CNOT3: variants seen among roughly 807,000 people sequenced by gnomAD.
The protein encoded by CNOT3 is CCR4-NOT transcription complex subunit 3, also known as CCR4-associated factor 3.
Under a neutral mutation model 89.4 loss-of-function variants are expected in CNOT3, and 2 were observed. The observed-to-expected ratio is 0.02, with a 90% confidence interval of 0.01 to 0.07. The LOEUF (loss-of-function observed/expected upper bound fraction) is 0.07. Ranked by LOEUF, CNOT3 falls within the 10% of genes least tolerant of loss-of-function variation. CNOT3 has a pLI of 1.00. For missense variants in CNOT3, 664 were observed against 1,010.2 expected (o/e 0.66, Z 4.65); for synonymous variants, 486 against 402.0 (o/e 1.21, Z -2.50).
chr19:54,138,509 G>A (rs897251418), intron 1 of CNOT3, among the ~76,000 whole-genome samples: 97 of 152,024 alleles, frequency 6.4e-4, no homozygotes, highest in African/African-American at 2.2e-3. Context: ...TGGCGGGGAG[G>A]GGGGGTGGTG....
At position 54,148,144 on chromosome 19, in the gene CNOT3, G is replaced by A. The variant is rs767027855; in HGVS notation, c.895-4G>A. On this transcript the variant is annotated splice_polypyrimidine_tract_variant and splice_region_variant and intron_variant, in intron 10 of 17. Transcript: ENST00000221232. The surrounding 1 kb of genome is among the most constrained non-coding windows in gnomAD (Gnocchi z 6.3). ...CCTGACCCTCTGCTCTCTCCCACCC[G>A]CAGTCTCCAGCCAAAAACGGCTCCA... 22 of 1,490,620 alleles carry A rather than the reference G, an allele frequency of 1.5e-5. No homozygotes were observed. The highest frequency in any genetic ancestry group is 1.9e-5 in the Non-Finnish European group (21 of 1,118,746). 92.3% of individuals were successfully genotyped at this position (1,490,620 alleles called of 1,614,324 possible).
chr19:54,138,877 G>C (rs1445260450), intron 1 of CNOT3, among the ~76,000 whole-genome samples: 1 of 152,198 alleles, frequency 6.6e-6, no homozygotes, highest in Non-Finnish European at 1.5e-5. Context: ...CCCACGTCTG[G>C]TCTCAGCTCT....
In CNOT3 at chr19:54,140,960, C is replaced by G. The variant is rs587632442; in HGVS notation, c.-50-1969C>G. Among the ~76,000 whole-genome samples the G allele has an allele frequency of 5.3e-5, 8 of 152,318 alleles. No individual in the cohort carries two copies. The South Asian group carries it at 1.7e-3, about 32-fold the overall frequency. ...GTGTAGACCATGAGACCTCTTCTCTCTCTGGGCTGGAGCACCTGCCCATGA... is the reference window on the plus strand; with the variant it reads ...GTGTAGACCATGAGACCTCTTCTCTGTCTGGGCTGGAGCACCTGCCCATGA... On this transcript the variant is annotated intron_variant, in intron 1 of 17. Coordinates refer to ENST00000221232, the MANE Select transcript of CNOT3 (RefSeq NM_014516.4).
intron 1 of CNOT3, among the ~76,000 whole-genome samples, chr19:54,138,684 GA>G (rs1269820825): frequency 1.3e-5 from 2 of 152,244 alleles, no homozygotes; most frequent in East Asian, 3.9e-4. Flanking sequence ...GAGTGGAGGA[GA>G]AACTCCCCGT....
intron 5 of CNOT3, 98 bp downstream of exon 5, chr19:54,143,847 T>C: frequency 6.8e-7 from 1 of 1,471,960 alleles, no homozygotes. Flanking sequence ...CCAGAGGTCC[T>C]CAAGAGAAGT....
Position 54,148,610 on chromosome 19 carries a change from T to C in CNOT3, c.1283-10T>C, listed in dbSNP as rs371452117. 2.5e-5 allele frequency: 41 copies of C among 1,608,340 alleles called. No homozygotes were observed. In the African/African-American group the frequency reaches 4.5e-4, roughly 18 times the overall value. Reference sequence around the variant, plus strand: ...GGCAGCAGCCCTTTCCATTTACTCTTTGTTCCCAGGTTACAGCTCAGTTGT... The same window carrying C: ...GGCAGCAGCCCTTTCCATTTACTCTCTGTTCCCAGGTTACAGCTCAGTTGT... On this transcript the variant is annotated splice_polypyrimidine_tract_variant and intron_variant, in intron 11 of 17. Transcript: ENST00000221232. This position sits in a 1 kb window ranked among gnomAD's most constrained non-coding sequence, Gnocchi z 6.3.
intron 13 of CNOT3, among the ~76,000 whole-genome samples, chr19:54,151,862 TAGTG>T (rs1323919255): frequency 6.6e-6 from 1 of 152,192 alleles, no homozygotes; most frequent in Non-Finnish European, 1.5e-5. Context: ...TAGGTGTCCC[TAGTG>T]AAGGAGCGTG....
At chr19:54,155,019 G>C (rs569379762) in intron 17 of CNOT3, 9 of 487,156 alleles carry the variant, frequency 1.8e-5, no homozygotes, top group South Asian at 1.8e-4. Flanking sequence ...CACAGCCCTC[G>C]AGGAAACGAA....
chr19:54,153,497 C>T (rs1201254223), intron 16 of CNOT3: 1 of 777,976 alleles, frequency 1.3e-6, no homozygotes, highest in Admixed American at 1.7e-5. Context: ...CTTCTCAAAG[C>T]TTCTCTGAAA....
chr19:54,139,549 A>G (rs139987140), intron 1 of CNOT3, among the ~76,000 whole-genome samples: 37 of 151,984 alleles, frequency 2.4e-4, no homozygotes, highest in African/African-American at 8.4e-4. Flanking sequence ...TCCCCCAGGG[A>G]TAAGGTTCTT....
At position 54,144,876 on chromosome 19, in the gene CNOT3, AAGAC is replaced by A. The variant is rs1304023030; in HGVS notation, c.483+547_483+550del. 2.6e-5 allele frequency among the ~76,000 whole-genome samples: 4 copies of A among 152,100 alleles called. No individual in the cohort carries two copies. Among genetic ancestry groups the A allele is most frequent in the Middle Eastern group, 3.2e-3 (1 of 316 alleles). Reference sequence around the variant, plus strand: ...ACTGTACAGACTTGCTGAAACCAGAAAGACAGGGAGGGGAGAGCCGGGTCCTCAG... The same window carrying A: ...ACTGTACAGACTTGCTGAAACCAGAAAGGGAGGGGAGAGCCGGGTCCTCAG... On this transcript the variant is annotated intron_variant, in intron 7 of 17. Coordinates refer to ENST00000221232, the MANE Select transcript of CNOT3 (RefSeq NM_014516.4). The surrounding 1 kb of genome is among the most constrained non-coding windows in gnomAD (Gnocchi z 4.8).
At chr19:54,153,967 C>A in intron 17 of CNOT3, 127 bp downstream of exon 17, 2 of 1,191,810 alleles carry the variant, frequency 1.7e-6, no homozygotes, top group Non-Finnish European at 2.5e-6. Context: ...TCAGCCTGAC[C>A]AAGTACTCCT....
chr19:54,152,749 A>G (rs1427249233), intron 15 of CNOT3, 118 bp from the exon 16 acceptor site: 4 of 940,880 alleles, frequency 4.3e-6, no homozygotes, highest in African/African-American at 1.6e-5. Context: ...ACTGAAGGTC[A>G]GCACCGCCCT....
chr19:54,153,260 A>G (rs1403522373), intron 16 of CNOT3: 1 of 762,300 alleles, frequency 1.3e-6, no homozygotes, highest in Non-Finnish European at 2.4e-6. Context: ...CCAGTTGCCC[A>G]CTGGCTCACC....
At position 54,148,482 on chromosome 19, in the gene CNOT3, G is replaced by T; in HGVS notation, c.1229G>T (p.Ser410Ile). Residue 410 changes from serine to isoleucine, a missense_variant, in exon 11 of 18, where the codon AGC (serine) becomes ATC (isoleucine). This residue lies in a region of CNOT3 where 545 missense variants were observed against 566.2 expected (regional missense o/e 0.96). Coordinates refer to ENST00000221232, the MANE Select transcript of CNOT3 (RefSeq NM_014516.4). This position sits in a 1 kb window ranked among gnomAD's most constrained non-coding sequence, Gnocchi z 6.3. The stretch of plus-strand genomic sequence containing the variant: ...GGCAGCGGAGGCGGAGGGAGCAGCA[G>T]CAGTAGTAACAGCAGTGCCGGTGGA... ...GGGSGGGGSS[S>I]SSNSSAGGGA... 1.9e-6 allele frequency: 3 copies of T among 1,562,056 alleles called. No individual in the cohort carries two copies.
At chr19:54,142,546 A>G (rs1156582387) in intron 1 of CNOT3, 3 of 304,148 alleles carry the variant, frequency 9.9e-6, no homozygotes, top group Non-Finnish European at 1.9e-5. Flanking sequence ...CTGAGTAGGA[A>G]GTGTGATCTC....
chr19:54,144,889 G>T lies in CNOT3; in HGVS notation c.483+557G>T, dbSNP rs945693834. On this transcript the variant is annotated intron_variant, in intron 7 of 17. Coordinates refer to ENST00000221232, the MANE Select transcript of CNOT3 (RefSeq NM_014516.4). The surrounding 1 kb of genome is among the most constrained non-coding windows in gnomAD (Gnocchi z 4.8). ...GCTGAAACCAGAAAGACAGGGAGGG[G>T]AGAGCCGGGTCCTCAGGGAAGCTGT... Among the ~76,000 whole-genome samples the T allele has an allele frequency of 6.6e-6, 1 of 152,168 alleles. No individual in the cohort carries two copies. Among genetic ancestry groups the T allele is most frequent in the African/African-American group, 2.4e-5 (1 of 41,424 alleles).
intron 16 of CNOT3, chr19:54,153,216 G>A (rs754542383): frequency 2.6e-6 from 2 of 764,302 alleles, no homozygotes; most frequent in South Asian, 2.7e-5. Context: ...TTGACAGCGA[G>A]GCTGGTCCAC....
Position 54,152,975 on chromosome 19 carries a change from C to T in CNOT3, c.2013C>T (p.Leu671=), listed in dbSNP as rs769124804. ...ACCAGCGCCTGTCGACCGAGACACT[C>T]TTCTTCATCTTCTACTATCTGGAGG... ...EFYQRLSTET[L]FFIFYYLEGT... The change falls in exon 16 of 18, where the codon CTC becomes CTT. Residue 671 remains leucine, a synonymous_variant. Coordinates refer to ENST00000221232, the MANE Select transcript of CNOT3 (RefSeq NM_014516.4). 2.0e-5 allele frequency: 32 copies of T among 1,607,740 alleles called. No homozygotes were observed. Among genetic ancestry groups the T allele is most frequent in the Non-Finnish European group, 2.6e-5 (31 of 1,175,076 alleles).
Sources: allele counts gnomAD v4.1 joint callset (sites outside exome capture counted in the v4.1 genomes callset), GRCh38; gene constraint gnomAD v4.1.1; regional missense constraint gnomAD v4.1.1; non-coding constraint Gnocchi (gnomAD v3.1); transcripts MANE v1.5; gene names NCBI Gene and HGNC (gene_info 2026-07-23, HGNC 2026-07-21).